The following SEMA6B variants were observed in gnomAD, a reference collection of about 807,000 sequenced individuals.
The protein encoded by SEMA6B is semaphorin 6B, also known as semaphorin-6B.
In SEMA6B, 47 loss-of-function variants were observed where a neutral mutation model predicts 78.6. The observed-to-expected ratio is 0.60, with a 90% CI of 0.47 to 0.76. The LOEUF (loss-of-function observed/expected upper bound fraction) is 0.76, where lower values mean the gene tolerates loss of function less well. Ranked by LOEUF, SEMA6B falls within the 30% of genes least tolerant of loss-of-function variation. SEMA6B has a pLI of 0.00. For synonymous variants in SEMA6B, 632 were observed against 592.2 expected, an observed-to-expected ratio of 1.07 and a Z score of -0.98; for missense variants, 1,213 against 1,269.9, an observed-to-expected ratio of 0.96 and a Z score of 0.68.
rs758633421 is a variant in SEMA6B, at chr19:4,555,632, C to T, written c.472-68G>A. 3.9e-6 allele frequency: 5 copies of T among 1,287,584 alleles called. No homozygotes were observed. Among genetic ancestry groups the T allele is most frequent in the South Asian group, 2.5e-5 (2 of 81,370 alleles). The allele number at this position is 1,287,584 out of a possible 1,614,324, so 79.8% of individuals were successfully genotyped here. A position where few individuals can be genotyped will look rare whatever the true frequency, so the allele number is the denominator to read the frequency against. ...ACCTAGCAGCCCCTGGCTCCCTCAG[C>T]CCCCCACTCCAGGGGGAATCCTGAT... On this transcript the variant is annotated intron_variant, in intron 6 of 16. Transcript: ENST00000586582. This position sits in a 1 kb window ranked among gnomAD's most constrained non-coding sequence, Gnocchi z 6.1.
At position 4,550,868 on chromosome 19, in the gene SEMA6B, C is replaced by T. The variant is rs767261866; in HGVS notation, c.1052G>A (p.Arg351His). The part of the protein sequence containing the change: ...LTQVAAVFEG[R>H]FREQKSPESI... The stretch of plus-strand genomic sequence containing the variant: ...CTCGGGGGACTTCTGCTCTCGGAAG[C>T]GGCCTTCAAACACAGCTGCCACCTG... The change falls in exon 11 of 17, where the codon CGC becomes CAC. Residue 351 changes from arginine (R) to histidine (H), a missense_variant. Arg to His is a conservative substitution (Grantham distance 29, BLOSUM62 0). Coordinates refer to ENST00000586582, the MANE Select transcript of SEMA6B (RefSeq NM_032108.4). This position sits in a 1 kb window ranked among gnomAD's most constrained non-coding sequence, Gnocchi z 6.6. The T allele has an allele frequency of 1.5e-5, 24 of 1,613,464 alleles. No homozygotes were observed. The highest frequency in any genetic ancestry group is 6.6e-5 in the South Asian group (6 of 91,086).
Position 4,543,895 on chromosome 19 carries a change from G to C in SEMA6B, c.2373C>G (p.Pro791=). 2 of 1,204,396 alleles carry C rather than the reference G, an allele frequency of 1.7e-6. No homozygotes were observed. The highest frequency in any genetic ancestry group is 2.1e-6 in the Non-Finnish European group (2 of 970,636). The allele number at this position is 1,204,396 out of a possible 1,614,324, so 74.6% of individuals were successfully genotyped here. A position where few individuals can be genotyped will look rare whatever the true frequency, so the allele number is the denominator to read the frequency against. Residue 791 remains proline (P), a synonymous_variant, in exon 17 of 17, where the codon CCC becomes CCG. Transcript: ENST00000586582. The part of the protein sequence containing the change: ...RASHGDFPLT[P]HASPDRRRVV... ...CCCGCCGGCGGTCCGGGCTGGCGTG[G>C]GGGGTGAGCGGGAAGTCGCCGTGGG...
intron 9 of SEMA6B, among the ~76,000 whole-genome samples, chr19:4,553,560 T>C (rs948305316): frequency 7.2e-6 from 1 of 138,660 alleles, no homozygotes; most frequent in Admixed American, 7.3e-5. Context: ...GATGAGTGGG[T>C]GAATGAGATG....
intron 12 of SEMA6B, among the ~76,000 whole-genome samples, 175 bp downstream of exon 12, chr19:4,549,944 CTCTT>C (rs1265092642): frequency 2.6e-5 from 4 of 152,164 alleles, no homozygotes; most frequent in South Asian, 2.1e-4. Flanking sequence ...CTCTGTCTCT[CTCTT>C]TGTTCTCTCT....
intron 1 of SEMA6B, among the ~76,000 whole-genome samples, chr19:4,559,236 C>G (rs1442438329): frequency 6.6e-6 from 1 of 150,604 alleles, no homozygotes; most frequent in Non-Finnish European, 1.5e-5. Context: ...GACAGTACTA[C>G]ATAACCACAG....
At chr19:4,547,789 C>CCGT (rs10643693) in intron 14 of SEMA6B, among the ~76,000 whole-genome samples, 84,540 of 151,194 alleles carry the variant, frequency 0.56, 24,315 homozygotes, top group East Asian at 0.88. Context: ...CATCCCCTCC[C>CCGT]CGTCCTCCCC....
At chr19:4,557,818 G>T (rs1307788828) in intron 3 of SEMA6B, among the ~76,000 whole-genome samples, 1 of 152,142 alleles carries the variant, frequency 6.6e-6, no homozygotes, top group Non-Finnish European at 1.5e-5. Context: ...GGGCGGGCGC[G>T]TGTGAGCACC....
In SEMA6B at chr19:4,543,019, GAC is replaced by G. The variant is rs1295322154; in HGVS notation, c.*580_*581del. On this transcript the variant is annotated 3_prime_UTR_variant, in exon 17 of 17. Coordinates refer to ENST00000586582, the MANE Select transcript of SEMA6B (RefSeq NM_032108.4). Reference sequence around the variant, plus strand: ...GGGGCCACCACGATCGTCGCTCGTGGACACACACCCTGCACGCGTGGCCCACT... The same window carrying G: ...GGGGCCACCACGATCGTCGCTCGTGGACACACCCTGCACGCGTGGCCCACT... 1.4e-6 allele frequency: 1 copy of G among 690,362 alleles called. No homozygotes were observed. The highest frequency in any genetic ancestry group is 2.0e-5 in the Admixed American group (1 of 49,488). The allele number at this position is 690,362 out of a possible 1,614,324, so 42.8% of individuals were successfully genotyped here.
intron 5 of SEMA6B, among the ~76,000 whole-genome samples, chr19:4,556,606 G>A (rs150934199): frequency 2.0e-5 from 3 of 151,922 alleles, no homozygotes; most frequent in Non-Finnish European, 4.4e-5. Flanking sequence ...CTATTGGGTG[G>A]CGTGTGAACA....
chr19:4,546,098 ATG>A, intron 16 of SEMA6B, 116 bp downstream of exon 16: 1 of 1,080,494 alleles, frequency 9.3e-7, no homozygotes. Context: ...AAGTTCTCTG[ATG>A]GAGTCCAGTT....
At chr19:4,546,961 AT>A (rs11433686) in intron 14 of SEMA6B, among the ~76,000 whole-genome samples, 2,193 of 148,406 alleles carry the variant, frequency 0.015, 32 homozygotes, top group Middle Eastern at 0.053. Flanking sequence ...TTAAAATTTA[AT>A]TTTTTTTTTC....
rs1335178951 is a variant in SEMA6B, at chr19:4,555,702, C to G, written c.472-138G>C. The G allele has an allele frequency of 1.4e-6, 1 of 735,422 alleles. No homozygotes were observed. The allele number at this position is 735,422 out of a possible 1,614,324, so 45.6% of individuals were successfully genotyped here. ...GACCTTGGCCACTCACTTAACCTCT[C>G]AGGGCCTCAGTTTACTGATCTGTAA... On this transcript the variant is annotated intron_variant, in intron 6 of 16. Transcript: ENST00000586582. The surrounding 1 kb of genome is among the most constrained non-coding windows in gnomAD (Gnocchi z 6.1).
At chr19:4,548,196 G>C in intron 13 of SEMA6B, 23 bp from the exon 14 acceptor site, 1 of 1,588,622 alleles carries the variant, frequency 6.3e-7, no homozygotes, top group Non-Finnish European at 8.6e-7. Flanking sequence ...AGAGTGGTGA[G>C]GCTGAGCGCA....
chr19:4,548,077 G>T lies in SEMA6B; in HGVS notation c.1551C>A (p.Cys517Ter), dbSNP rs112105291. The change falls in exon 14 of 17, where the codon TGC (cysteine) becomes TGA (stop). Residue 517 changes from cysteine to a stop codon, truncating the protein, a stop_gained. Coordinates refer to ENST00000586582, the MANE Select transcript of SEMA6B (RefSeq NM_032108.4). LOFTEE classifies it high-confidence loss of function. ...SGGLLAAFPR[C>*]VVRVPVARCQ... ...AGCGAGCCACAGGCACTCGGACCAC[G>T]CAGCGGGGGAAGGCAGCCAGCAGGC... 1 of 1,590,286 alleles carries T rather than the reference G, an allele frequency of 6.3e-7. No homozygotes were observed.
chr19:4,546,602 C>T (rs1176383395), intron 14 of SEMA6B, 133 bp from the exon 15 acceptor site: 15 of 417,974 alleles, frequency 3.6e-5, no homozygotes, highest in South Asian at 8.1e-5. Flanking sequence ...ATTTTTGAGA[C>T]GGAATTTCGC....
Position 4,546,377 on chromosome 19 carries a change from C to A in SEMA6B, c.1679+15G>T. 1 of 1,584,640 alleles carries A rather than the reference C, an allele frequency of 6.3e-7. No individual in the cohort carries two copies. The highest frequency in any genetic ancestry group is 2.3e-5 in the East Asian group (1 of 43,288). ...GTCTGACACACCCTCCACCCACCTC[C>A]CTCTCCCGCAGTACCTGGTGCCCGG... is the stretch of plus-strand genomic sequence containing the variant. On this transcript the variant is annotated intron_variant, in intron 15 of 16. Coordinates refer to ENST00000586582, the MANE Select transcript of SEMA6B (RefSeq NM_032108.4).
In SEMA6B at chr19:4,558,163, T is replaced by C; in HGVS notation, c.122-14A>G. 2.8e-6 allele frequency: 4 copies of C among 1,431,236 alleles called. No individual in the cohort carries two copies. The highest frequency in any genetic ancestry group is 3.7e-6 in the Non-Finnish European group (4 of 1,077,358). 88.7% of individuals were successfully genotyped at this position (1,431,236 alleles called of 1,614,324 possible). ...AGTGGTTCAGGTCTGAGTGAGGGGG[T>C]GGAGAGGGGTGTGAGCAAGGGCTGG... On this transcript the variant is annotated splice_polypyrimidine_tract_variant and intron_variant, in intron 2 of 16. Coordinates refer to ENST00000586582, the MANE Select transcript of SEMA6B (RefSeq NM_032108.4). The surrounding 1 kb of genome is among the most constrained non-coding windows in gnomAD (Gnocchi z 5.1).
At position 4,555,013 on chromosome 19, in the gene SEMA6B, G is replaced by A. The variant is rs749550496; in HGVS notation, c.645C>T (p.Thr215=). The change falls in exon 8 of 17, where the codon ACC becomes ACT. Residue 215 remains threonine (T), a synonymous_variant. Transcript: ENST00000586582. This position sits in a 1 kb window ranked among gnomAD's most constrained non-coding sequence, Gnocchi z 6.1. The stretch of plus-strand genomic sequence containing the variant: ...TGGAGTCATGTTTCACGGTGCGCAG[G>A]GTGGGCCTGTCCCCGAGGCTGCGGT... ...VIYRSLGDRP[T]LRTVKHDSKW... 1 of 1,614,064 alleles carries A rather than the reference G, an allele frequency of 6.2e-7. No individual in the cohort carries two copies. Among genetic ancestry groups the A allele is most frequent in the South Asian group, 1.1e-5 (1 of 91,082 alleles).
chr19:4,559,266 T>G (rs957970430), intron 1 of SEMA6B, among the ~76,000 whole-genome samples: 12 of 151,182 alleles, frequency 7.9e-5, no homozygotes, highest in African/African-American at 2.9e-4. Flanking sequence ...ATATTCCCCA[T>G]GCCAAGGGCC....
Sources: allele counts gnomAD v4.1 joint callset (sites outside exome capture counted in the v4.1 genomes callset), GRCh38; gene constraint gnomAD v4.1.1; non-coding constraint Gnocchi (gnomAD v3.1); transcripts MANE v1.5; gene names NCBI Gene and HGNC (gene_info 2026-07-23, HGNC 2026-07-21).